SPECC1: variants seen among roughly 807,000 people sequenced by gnomAD.
SPECC1 encodes cytospin-B.
Under a neutral mutation model 104.1 loss-of-function variants are expected in SPECC1, and 62 were observed. The observed-to-expected ratio is 0.60, with a 90% CI of 0.49 to 0.74. The LOEUF (loss-of-function observed/expected upper bound fraction) is 0.74. Among genes scored for constraint, SPECC1 ranks in the 30% least tolerant of loss-of-function variants. The probability of loss-of-function intolerance (pLI) is 0.00; values close to 1 mark genes in which losing one functional copy is unlikely to be tolerated. For synonymous variants in SPECC1, 513 were observed against 501.6 expected, an observed-to-expected ratio of 1.02 and a Z score of -0.30; for missense variants, 1,306 against 1,310.5, an observed-to-expected ratio of 1.00 and a Z score of 0.05.
intron 3 of SPECC1, among the ~76,000 whole-genome samples, chr17:20,203,918 T>C (rs1262149524): frequency 6.6e-6 from 1 of 152,208 alleles, no homozygotes; most frequent in East Asian, 1.9e-4. Flanking sequence ...CCTTCTTCCT[T>C]CTCTGCCATC....
chr17:20,101,765 G>A (rs539494489), intron 2 of SPECC1, among the ~76,000 whole-genome samples: 7 of 152,286 alleles, frequency 4.6e-5, no homozygotes, highest in South Asian at 2.1e-4. Context: ...CACTATGAGC[G>A]GGACAAAGGT....
At chr17:20,014,526 G>T (rs2044048839) in intron 1 of SPECC1, among the ~76,000 whole-genome samples, 1 of 152,094 alleles carries the variant, frequency 6.6e-6, no homozygotes. Flanking sequence ...ACCCTTGCAT[G>T]TTTAAACAAT....
intron 12 of SPECC1, among the ~76,000 whole-genome samples, chr17:20,279,078 C>T (rs765519262): frequency 3.9e-4 from 60 of 152,212 alleles, no homozygotes; most frequent in Non-Finnish European, 7.4e-4. Context: ...AAAAAGGAGG[C>T]CTTGATTTTT....
At chr17:20,231,446 T>C (rs2151477078) in intron 5 of SPECC1, among the ~76,000 whole-genome samples, 1 of 152,324 alleles carries the variant, frequency 6.6e-6, no homozygotes, top group South Asian at 2.1e-4. Context: ...GGTATGCAAG[T>C]GTGCATGGCC....
In SPECC1 at chr17:20,253,513, G is replaced by A; in HGVS notation, c.2607G>A (p.Ser869=). The change falls in exon 10 of 15, where the codon TCG becomes TCA. Residue 869 remains serine, a synonymous_variant. Transcript: ENST00000395527. ...AAAVSPMQRH[S]TYSSVRPASR... ...CCCCCTGGTTTTTACAGAGGCATTC[G>A]ACTTACAGCAGTGTGCGGCCAGCCA... is the stretch of plus-strand genomic sequence containing the variant. 4.3e-6 allele frequency: 7 copies of A among 1,613,898 alleles called. No homozygotes were observed. Among genetic ancestry groups the A allele is most frequent in the South Asian group, 1.1e-5 (1 of 91,058 alleles).
At chr17:20,065,973 T>C (rs940378535) in intron 1 of SPECC1, among the ~76,000 whole-genome samples, 11 of 152,244 alleles carry the variant, frequency 7.2e-5, no homozygotes, top group Non-Finnish European at 1.0e-4. Context: ...TAATTTGTTA[T>C]CTATATCTAT....
chr17:20,070,159 T>G (rs2046497223), intron 1 of SPECC1, among the ~76,000 whole-genome samples: 1 of 152,146 alleles, frequency 6.6e-6, no homozygotes, highest in Non-Finnish European at 1.5e-5. Context: ...TGACAAGAAG[T>G]GGTGAGAGCA....
chr17:20,245,705 TTC>T (rs2039393933), intron 7 of SPECC1, among the ~76,000 whole-genome samples: 1 of 152,210 alleles, frequency 6.6e-6, no homozygotes. Flanking sequence ...AAATAATTAT[TTC>T]TGACCATTTC....
At chr17:20,306,766 T>TGAAG (rs1337195462) in intron 14 of SPECC1, among the ~76,000 whole-genome samples, 1 of 152,244 alleles carries the variant, frequency 6.6e-6, no homozygotes, top group Non-Finnish European at 1.5e-5. Context: ...CTGTGCTGCA[T>TGAAG]GAAGCCCTTA....
intron 1 of SPECC1, among the ~76,000 whole-genome samples, chr17:20,070,167 G>A (rs755721198): frequency 3.3e-5 from 5 of 152,180 alleles, no homozygotes; most frequent in African/African-American, 4.8e-5. Context: ...AGTGGTGAGA[G>A]CAGAGAGACA....
intron 3 of SPECC1, chr17:20,156,003 G>GGCGGGGCCCACGGGC: frequency 7.8e-7 from 1 of 1,285,932 alleles, no homozygotes; most frequent in East Asian, 3.2e-5. Flanking sequence ...CAGATGAGGG[G>GGCGGGGCCCACGGGC]GCGGGGCCCA....
At chr17:20,207,756 ATGCATAAAAAC>A (rs2036879882) in intron 4 of SPECC1, among the ~76,000 whole-genome samples, 1 of 152,202 alleles carries the variant, frequency 6.6e-6, no homozygotes, top group East Asian at 1.9e-4. Flanking sequence ...ATGTTTGAGC[ATGCATAAAAAC>A]TTGCATTGAT....
At chr17:20,033,078 C>T (rs2044892154) in intron 1 of SPECC1, among the ~76,000 whole-genome samples, 1 of 151,870 alleles carries the variant, frequency 6.6e-6, no homozygotes, top group Non-Finnish European at 1.5e-5. Flanking sequence ...GATTCCCTGC[C>T]TCAGCCTCCC....
At chr17:20,176,798 G>C (rs1454194464) in intron 3 of SPECC1, among the ~76,000 whole-genome samples, 1 of 152,028 alleles carries the variant, frequency 6.6e-6, no homozygotes, top group Non-Finnish European at 1.5e-5. Flanking sequence ...ATTATATTGA[G>C]CCCAGCAGAG....
chr17:20,238,820 C>T (rs1205339484), intron 7 of SPECC1: 46 of 1,044,596 alleles, frequency 4.4e-5, no homozygotes, highest in Non-Finnish European at 5.2e-5. Flanking sequence ...TTTGACCTGT[C>T]GTTAGGTACT....
intron 3 of SPECC1, among the ~76,000 whole-genome samples, chr17:20,173,879 C>G (rs1269865552): frequency 1.3e-5 from 2 of 151,962 alleles, no homozygotes; most frequent in African/African-American, 4.8e-5. Flanking sequence ...TTGGCTCTTG[C>G]AAACATTTAT....
chr17:20,188,926 C>T (rs2035468025), intron 3 of SPECC1, among the ~76,000 whole-genome samples: 1 of 152,150 alleles, frequency 6.6e-6, no homozygotes, highest in Non-Finnish European at 1.5e-5. Flanking sequence ...TATCTAATTT[C>T]TCCAGTTACA....
At chr17:20,220,425 A>G (rs1191641235) in intron 4 of SPECC1, among the ~76,000 whole-genome samples, 1 of 152,000 alleles carries the variant, frequency 6.6e-6, no homozygotes, top group African/African-American at 2.4e-5. Flanking sequence ...TATTCTACTC[A>G]CAGCTACTAT....
Position 20,083,808 on chromosome 17 carries a change from A to G in SPECC1, c.-21-12823A>G, listed in dbSNP as rs551220842. 3.9e-5 allele frequency among the ~76,000 whole-genome samples: 6 copies of G among 152,366 alleles called. No homozygotes were observed. The South Asian group carries it at 1.2e-3, about 32-fold the overall frequency. On this transcript the variant is annotated intron_variant, in intron 1 of 14. Transcript: ENST00000395527. ...TGTTTAATTTTTAAGAAACTTCAGC[A>G]CTGCAAAGTGGCTGTACCATTTTGC...
Sources: gnomAD v4.1 joint callset for allele counts (sites outside exome capture counted in the v4.1 genomes callset) on GRCh38, gnomAD v4.1.1 for gene constraint, MANE v1.5 for transcripts, NCBI Gene and HGNC (gene_info 2026-07-23, HGNC 2026-07-21) for gene names.